The following TULP3 variants were observed in gnomAD, a reference collection of about 807,000 sequenced individuals.
TULP3 encodes the protein tubby-related protein 3.
TULP3 carries 38 observed loss-of-function variants against 50.7 expected under a neutral mutation model. The observed-to-expected ratio is 0.75, with a 90% CI of 0.58 to 0.98. The LOEUF (loss-of-function observed/expected upper bound fraction) is 0.98. TULP3 is among the 50% of genes least tolerant of loss of function. The probability of loss-of-function intolerance (pLI) is 0.00; values close to 1 mark genes in which losing one functional copy is unlikely to be tolerated. For missense variants in TULP3, 550 were observed against 568.0 expected, an observed-to-expected ratio of 0.97 and a Z score of 0.32; for synonymous variants, 183 against 196.6, an observed-to-expected ratio of 0.93 and a Z score of 0.58.
Position 2,922,312 on chromosome 12 carries a change from T to G in TULP3, c.304T>G (p.Ser102Ala). ...VLKPDEVHAP[S>A]VSSSVVEEDA... Reference sequence around the variant, plus strand: ...GAAACCAGACGAAGTTCATGCTCCATCAGTAAGCTCCTCTGTTGTGGAAGA... The same window carrying G: ...GAAACCAGACGAAGTTCATGCTCCAGCAGTAAGCTCCTCTGTTGTGGAAGA... The change falls in exon 4 of 11, where the codon TCA becomes GCA. Residue 102 changes from serine (S) to alanine (A), a missense_variant. Coordinates refer to ENST00000448120, the MANE Select transcript of TULP3 (RefSeq NM_003324.5). 3 of 1,614,160 alleles carry G rather than the reference T, an allele frequency of 1.9e-6. No individual in the cohort carries two copies. The highest frequency in any genetic ancestry group is 1.3e-5 in the African/African-American group (1 of 75,052).
intron 7 of TULP3, among the ~76,000 whole-genome samples, chr12:2,933,996 C>A (rs1423285039): frequency 3.3e-5 from 5 of 152,140 alleles, no homozygotes; most frequent in Non-Finnish European, 7.4e-5. Context: ...GGCCTATAAT[C>A]CCAGCATTTG....
intron 7 of TULP3, among the ~76,000 whole-genome samples, chr12:2,934,138 C>T (rs2098199752): frequency 6.6e-6 from 1 of 151,994 alleles, no homozygotes; most frequent in Non-Finnish European, 1.5e-5. Flanking sequence ...GCCCCAGCTA[C>T]CCAGGAGGCT....
At position 2,922,239 on chromosome 12, in the gene TULP3, ATTCATTTTATTTT is replaced by A; in HGVS notation, c.254-22_254-10del. 1.9e-6 allele frequency: 3 copies of A among 1,600,350 alleles called. No individual in the cohort carries two copies. The highest frequency in any genetic ancestry group is 2.6e-6 in the Non-Finnish European group (3 of 1,176,386). On this transcript the variant is annotated splice_polypyrimidine_tract_variant and intron_variant, in intron 3 of 10. Coordinates refer to ENST00000448120, the MANE Select transcript of TULP3 (RefSeq NM_003324.5). Reference sequence around the variant, plus strand: ...AATAATACTTTGCTCCTTTTTTAAAATTCATTTTATTTTGGCCCTTAGGTATTGATGGTCCAGC... The same window carrying A: ...AATAATACTTTGCTCCTTTTTTAAAAGGCCCTTAGGTATTGATGGTCCAGC...
intron 1 of TULP3, among the ~76,000 whole-genome samples, chr12:2,897,243 C>A (rs2098176083): frequency 6.6e-6 from 1 of 152,104 alleles, no homozygotes; most frequent in Non-Finnish European, 1.5e-5. Context: ...CCCCTTACCT[C>A]AGGTGATGCA....
rs767882209 is a variant in TULP3, at chr12:2,934,534, C to T, written c.897C>T (p.Thr299=). 2 of 1,595,250 alleles carry T rather than the reference C, an allele frequency of 1.3e-6. No homozygotes were observed. Among genetic ancestry groups the T allele is most frequent in the Non-Finnish European group, 1.7e-6 (2 of 1,171,180 alleles). ...GGGGTTTGGTAGGAGCGGCCCACAC[C>T]CGGCAGGAGCTGGCTGCCATCTCCT... is the stretch of plus-strand genomic sequence containing the variant. The part of the protein sequence containing the change: ...KGRGLVGAAH[T]RQELAAISYE... The change falls in exon 8 of 11, where the codon ACC becomes ACT. Residue 299 remains threonine, a synonymous_variant. Transcript: ENST00000448120.
chr12:2,893,930 G>C (rs958180250), intron 1 of TULP3, among the ~76,000 whole-genome samples: 12 of 151,908 alleles, frequency 7.9e-5, no homozygotes, highest in African/African-American at 2.9e-4. Context: ...AGGTGTGAGC[G>C]ACCAGGCTTG....
intron 1 of TULP3, among the ~76,000 whole-genome samples, chr12:2,908,068 G>T (rs1462909404): frequency 6.6e-6 from 1 of 152,170 alleles, no homozygotes; most frequent in African/African-American, 2.4e-5. Context: ...TGAAGAGGAA[G>T]AATCTTTGAG....
At chr12:2,919,719 T>C (rs1182530539) in intron 2 of TULP3, among the ~76,000 whole-genome samples, 3 of 152,138 alleles carry the variant, frequency 2.0e-5, no homozygotes, top group Non-Finnish European at 4.4e-5. Context: ...CAAAAGGTAC[T>C]AGTACTATGT....
intron 2 of TULP3, among the ~76,000 whole-genome samples, chr12:2,916,358 C>T (rs1439194703): frequency 1.3e-5 from 2 of 151,938 alleles, no homozygotes; most frequent in Non-Finnish European, 2.9e-5. Context: ...CCTATCTGAT[C>T]TCCTTTAATT....
intron 2 of TULP3, among the ~76,000 whole-genome samples, chr12:2,914,732 A>G (rs959107723): frequency 2.6e-5 from 4 of 151,334 alleles, no homozygotes; most frequent in Non-Finnish European, 5.9e-5. Context: ...TCCCAGATTC[A>G]CGTGATTTTT....
intron 6 of TULP3, 114 bp downstream of exon 6, chr12:2,931,354 T>G: frequency 1.0e-6 from 1 of 977,222 alleles, no homozygotes; most frequent in South Asian, 1.7e-5. Context: ...CAGCTGGAAG[T>G]AGATTGTATC....
intron 1 of TULP3, among the ~76,000 whole-genome samples, chr12:2,893,040 A>AT (rs560811738): frequency 1.1e-3 from 162 of 151,134 alleles, no homozygotes; most frequent in Middle Eastern, 6.9e-3. Context: ...AATTTCTTGT[A>AT]TTTTTTGTAG....
intron 1 of TULP3, among the ~76,000 whole-genome samples, chr12:2,904,020 G>A (rs372967677): frequency 2.0e-4 from 30 of 152,236 alleles, no homozygotes; most frequent in African/African-American, 6.3e-4. Flanking sequence ...CTGACCTCGT[G>A]ATCCGCCCGC....
At chr12:2,923,929 T>C (rs1002431984) in intron 4 of TULP3, among the ~76,000 whole-genome samples, 1 of 150,714 alleles carries the variant, frequency 6.6e-6, no homozygotes, top group African/African-American at 2.4e-5. Flanking sequence ...GCACTAAGCT[T>C]GCGATTGCAC....
intron 2 of TULP3, among the ~76,000 whole-genome samples, chr12:2,910,538 T>C (rs1049039072): frequency 1.3e-5 from 2 of 152,206 alleles, no homozygotes; most frequent in African/African-American, 4.8e-5. Flanking sequence ...TTAGAACGTA[T>C]ACCCAACATA....
At chr12:2,902,364 T>C (rs1414242724) in intron 1 of TULP3, among the ~76,000 whole-genome samples, 1 of 152,218 alleles carries the variant, frequency 6.6e-6, no homozygotes. Context: ...GCTCACAGGC[T>C]TTATTTTTGC....
chr12:2,912,175 A>C (rs1036846896), intron 2 of TULP3, among the ~76,000 whole-genome samples: 2 of 152,212 alleles, frequency 1.3e-5, no homozygotes, highest in Non-Finnish European at 2.9e-5. Context: ...TGGCTCTGCC[A>C]TTATTCAGCT....
intron 8 of TULP3, 123 bp downstream of exon 8, chr12:2,934,684 G>A (rs922838793): frequency 1.9e-6 from 1 of 532,530 alleles, no homozygotes; most frequent in Non-Finnish European, 3.2e-6. Context: ...TTCTGTTGCT[G>A]TACCATTTTC....
At position 2,938,229 on chromosome 12, in the gene TULP3, G is replaced by A. The variant is rs113831847; in HGVS notation, c.1139G>A (p.Arg380His). Reference sequence around the variant, plus strand: ...ACTCAGTCCTATGTCCTCAACTTCCGTGGCCGGGTCACTCAGGCGTCTGTG... The same window carrying A: ...ACTCAGTCCTATGTCCTCAACTTCCATGGCCGGGTCACTCAGGCGTCTGTG... ...SDTQSYVLNFRGRVTQASVKN... is the reference protein window; with the variant it reads ...SDTQSYVLNFHGRVTQASVKN... Residue 380 changes from arginine (R) to histidine (H), a missense_variant, in exon 10 of 11, where the codon CGT becomes CAT. Coordinates refer to ENST00000448120, the MANE Select transcript of TULP3 (RefSeq NM_003324.5). 9.9e-4 allele frequency: 1,604 copies of A among 1,614,138 alleles called. 12 individuals carry two copies. The African/African-American group carries it at 0.018, about 18-fold the overall frequency.
Sources: allele counts gnomAD v4.1 joint callset (sites outside exome capture counted in the v4.1 genomes callset), GRCh38; gene constraint gnomAD v4.1.1; transcripts MANE v1.5; gene names NCBI Gene and HGNC (gene_info 2026-07-23, HGNC 2026-07-21).